Variants in ST7 observed in about 807,000 individuals in gnomAD.
ST7 encodes the protein suppressor of tumorigenicity 7 protein.
Under a neutral mutation model 78.7 loss-of-function variants are expected in ST7, and 28 were observed. That is an observed-to-expected ratio of 0.36 (90% confidence interval 0.26 to 0.49). ST7 has a LOEUF of 0.49. Ranked by LOEUF, ST7 falls within the 20% of genes least tolerant of loss-of-function variation. ST7 has a pLI of 0.99. For missense variants in ST7, 418 were observed against 696.0 expected (o/e 0.60, Z 4.49); for synonymous variants, 247 against 249.6 (o/e 0.99, Z 0.10).
intron 2 of ST7, among the ~76,000 whole-genome samples, chr7:117,112,953 GTAGATTGA>G (rs1802553530): frequency 1.3e-5 from 2 of 152,234 alleles, no homozygotes; most frequent in African/African-American, 4.8e-5. Context: ...GGCAAAGAAA[GTAGATTGA>G]TACCTCTCGT....
chr7:117,128,150 T>A (rs1371012707), intron 3 of ST7: 1 of 151,928 alleles, frequency 6.6e-6, no homozygotes, highest in Non-Finnish European at 1.5e-5. Context: ...GTTTATTTTG[T>A]GCTAGATACA....
intron 12 of ST7, among the ~76,000 whole-genome samples, chr7:117,195,746 T>A (rs148865542): frequency 0.011 from 1,703 of 152,256 alleles, 17 homozygotes; most frequent in Non-Finnish European, 0.015. Flanking sequence ...TCCCACCAGG[T>A]CTCTCCCACT....
chr7:117,072,144 T>C (rs1799005595), intron 1 of ST7: 1 of 152,220 alleles, frequency 6.6e-6, no homozygotes, highest in South Asian at 2.1e-4. Context: ...GAACAAGTAT[T>C]TGGTGTAGTA....
intron 10 of ST7, among the ~76,000 whole-genome samples, chr7:117,188,184 G>A (rs1276642430): frequency 1.3e-5 from 2 of 152,202 alleles, no homozygotes; most frequent in Admixed American, 1.3e-4. Context: ...TTGAAAGAGA[G>A]ATTGGTTTTC....
At chr7:116,962,103 A>G (rs1792865309) in intron 1 of ST7, among the ~76,000 whole-genome samples, 1 of 152,172 alleles carries the variant, frequency 6.6e-6, no homozygotes, top group South Asian at 2.1e-4. Context: ...TGTCCCTGCA[A>G]AGGAGATGAT....
intron 1 of ST7, chr7:116,972,307 C>A: frequency 1.7e-6 from 1 of 579,902 alleles, no homozygotes; most frequent in Non-Finnish European, 3.2e-6. Flanking sequence ...AAACCCATCA[C>A]GGGCCTCTCC....
At chr7:117,159,520 T>C (rs1288321654) in intron 9 of ST7, among the ~76,000 whole-genome samples, 1 of 152,134 alleles carries the variant, frequency 6.6e-6, no homozygotes, top group Non-Finnish European at 1.5e-5. Flanking sequence ...AGAACTATGC[T>C]AGATAGTGAG....
chr7:117,122,782 T>C (rs1159821483), intron 3 of ST7, among the ~76,000 whole-genome samples: 1 of 152,340 alleles, frequency 6.6e-6, no homozygotes, highest in South Asian at 2.1e-4. Context: ...AAGTGCCAGA[T>C]ACCACTGGAA....
At chr7:117,204,336 A>T (rs1791531186) in intron 12 of ST7, among the ~76,000 whole-genome samples, 1 of 152,220 alleles carries the variant, frequency 6.6e-6, no homozygotes, top group Non-Finnish European at 1.5e-5. Context: ...AATCTTCAAA[A>T]ATTAAAACCA....
chr7:117,037,795 C>T (rs574032158), intron 1 of ST7, among the ~76,000 whole-genome samples: 4 of 152,272 alleles, frequency 2.6e-5, no homozygotes, highest in East Asian at 1.9e-4. Context: ...TTTAGCTCAT[C>T]GCTTCCCAAC....
chr7:117,007,061 T>C (rs527811693), intron 1 of ST7, among the ~76,000 whole-genome samples: 5 of 152,180 alleles, frequency 3.3e-5, no homozygotes, highest in Non-Finnish European at 5.9e-5. Context: ...CAGTGACTTA[T>C]AAGTGTTCAA....
chr7:117,089,578 T>G (rs1800431679), intron 1 of ST7, among the ~76,000 whole-genome samples: 1 of 150,930 alleles, frequency 6.6e-6, no homozygotes, highest in South Asian at 2.1e-4. Context: ...TTTTTTGTTT[T>G]TTTTTTTTTT....
intron 14 of ST7, 108 bp from the exon 15 acceptor site, chr7:117,221,815 A>T: frequency 7.9e-7 from 1 of 1,268,052 alleles, no homozygotes; most frequent in Non-Finnish European, 1.1e-6. Context: ...CATTTCCCAT[A>T]GGCTTCCAAC....
chr7:117,060,909 G>A (rs1420432237), intron 1 of ST7, among the ~76,000 whole-genome samples: 2 of 152,162 alleles, frequency 1.3e-5, no homozygotes. Flanking sequence ...AGGTTGTTGA[G>A]GCAGGACAAT....
intron 1 of ST7, among the ~76,000 whole-genome samples, chr7:117,011,842 C>T (rs1795397367): frequency 1.3e-5 from 2 of 152,080 alleles, no homozygotes; most frequent in Non-Finnish European, 2.9e-5. Context: ...CAGCAAGTCT[C>T]ACTTGCTGAG....
At chr7:117,067,661 A>G (rs1798713976) in intron 1 of ST7, among the ~76,000 whole-genome samples, 1 of 152,174 alleles carries the variant, frequency 6.6e-6, no homozygotes, top group South Asian at 2.1e-4. Flanking sequence ...TTGTGGCTAA[A>G]GATTTTTGCA....
intron 1 of ST7, chr7:117,076,790 T>TC (rs1010300094): frequency 1.2e-4 from 18 of 152,568 alleles, no homozygotes; most frequent in African/African-American, 4.3e-4. Context: ...CCCTTTTAGC[T>TC]CTGCCATCCA....
intron 2 of ST7, among the ~76,000 whole-genome samples, chr7:117,103,273 A>G (rs1801701750): frequency 6.6e-6 from 1 of 152,212 alleles, no homozygotes; most frequent in South Asian, 2.1e-4. Flanking sequence ...ATGTGGAACC[A>G]CAGAAGACCC....
chr7:116,986,956 G>A (rs1370402302), intron 1 of ST7, among the ~76,000 whole-genome samples: 1 of 152,184 alleles, frequency 6.6e-6, no homozygotes, highest in African/African-American at 2.4e-5. Context: ...GGGCCTTTAA[G>A]TGAGAATTCA....
Sources: gnomAD v4.1 joint callset for allele counts (sites outside exome capture counted in the v4.1 genomes callset) on GRCh38, gnomAD v4.1.1 for gene constraint, MANE v1.5 for transcripts, NCBI Gene and HGNC (gene_info 2026-07-23, HGNC 2026-07-21) for gene names.